Variants in MSN observed in about 807,000 individuals in gnomAD.
MSN encodes the protein epididymis luminal protein 70.
MSN carries 2 observed loss-of-function variants against 48.0 expected under a neutral mutation model. That is an observed-to-expected ratio of 0.04 (90% CI 0.02 to 0.13). The LOEUF (loss-of-function observed/expected upper bound fraction) is 0.13, where lower values mean the gene tolerates loss of function less well. MSN is among the 10% of genes least tolerant of loss of function. MSN has a pLI of 1.00. For missense variants in MSN, 267 were observed against 470.1 expected (o/e 0.57, Z 3.99); for synonymous variants, 146 against 166.9 (o/e 0.87, Z 0.97).
At chrX:65,680,163 T>C (rs1229845272) in intron 1 of MSN, among the ~76,000 whole-genome samples, 1 of 112,132 alleles carries the variant, frequency 8.9e-6, no homozygotes, top group African/African-American at 3.2e-5. Context: ...AGTGGTTCTT[T>C]TTTTATATTT....
chrX:65,697,393 T>G (rs1203397887), intron 1 of MSN, among the ~76,000 whole-genome samples: 2 of 111,412 alleles, frequency 1.8e-5, no homozygotes, highest in Non-Finnish European at 3.8e-5. Flanking sequence ...TCAGCCACAT[T>G]CTTTGCTATA....
chrX:65,675,920 G>A (rs1019629730), intron 1 of MSN, among the ~76,000 whole-genome samples: 11 of 112,535 alleles, frequency 9.8e-5, no homozygotes, highest in African/African-American at 3.6e-4. Flanking sequence ...TTACAGGTGT[G>A]AGCCACCACG....
At chrX:65,618,193 G>T (rs1475356397) in intron 1 of MSN, among the ~76,000 whole-genome samples, 1 of 111,729 alleles carries the variant, frequency 9.0e-6, no homozygotes, top group Non-Finnish European at 1.9e-5. Flanking sequence ...GTTGATTTGG[G>T]GTGGAGAGTT....
intron 1 of MSN, among the ~76,000 whole-genome samples, chrX:65,696,915 C>T (rs1404966506): frequency 9.0e-6 from 1 of 110,570 alleles, no homozygotes; most frequent in African/African-American, 3.3e-5. Flanking sequence ...TCTTCCAAAA[C>T]AATCATAGAT....
rs746191407 is a variant in MSN at position 65,605,610 on chromosome X, A to AT, written c.-22+17004dup. Among the ~76,000 whole-genome samples, 4 of 111,563 alleles carry AT rather than the reference A, an allele frequency of 3.6e-5. No homozygotes were observed. In the South Asian group the frequency reaches 1.1e-3, roughly 31 times the overall value. On this transcript the variant is annotated intron_variant, in intron 1 of 3. Coordinates refer to the MSN transcript ENST00000609672. ...CCATCACATGAGGACCACAAGCCAA[A>AT]TTTTTTGCTATAGCCCAAAAGAGCC...
intron 1 of MSN, among the ~76,000 whole-genome samples, chrX:65,715,414 G>A (rs1287497290): frequency 9.0e-6 from 1 of 111,622 alleles, no homozygotes; most frequent in Middle Eastern, 4.2e-3. Context: ...AATTGCTTTG[G>A]GCAGTATCAC....
chrX:65,639,357 C>T (rs755625463), intron 1 of MSN, among the ~76,000 whole-genome samples: 1 of 111,851 alleles, frequency 8.9e-6, no homozygotes, highest in African/African-American at 3.2e-5. Flanking sequence ...GTTGCCCAGG[C>T]TGGTCTCGAA....
intron 2 of MSN, 60 bp downstream of exon 2, chrX:65,716,961 A>G (rs984236084): frequency 9.0e-6 from 9 of 997,290 alleles, no homozygotes; most frequent in Non-Finnish European, 1.3e-5. Flanking sequence ...CACAATGCCA[A>G]CAATCCATGA....
At chrX:65,607,855 A>G (rs2070290379) in intron 1 of MSN, among the ~76,000 whole-genome samples, 1 of 111,867 alleles carries the variant, frequency 8.9e-6, no homozygotes, top group South Asian at 3.7e-4. Flanking sequence ...GGGCGTGGTG[A>G]CACATGCTTG....
At chrX:65,724,206 G>A (rs1200866861) in intron 2 of MSN, among the ~76,000 whole-genome samples, 13 of 107,411 alleles carry the variant, frequency 1.2e-4, no homozygotes, top group African/African-American at 4.1e-4. Flanking sequence ...GTGCAATGGC[G>A]CGATCTCGGC....
upstream of MSN, among the ~76,000 whole-genome samples, chrX:65,662,706 C>T (rs752295621): frequency 2.0e-4 from 22 of 112,323 alleles, no homozygotes; most frequent in Non-Finnish European, 3.6e-4. Flanking sequence ...CTAGGAAACA[C>T]ACTTCTTGAC....
chrX:65,597,468 T>A (rs1278576902), intron 1 of MSN, among the ~76,000 whole-genome samples: 1 of 110,967 alleles, frequency 9.0e-6, no homozygotes, highest in Non-Finnish European at 1.9e-5. Context: ...CACCTCGCCC[T>A]CCCTAGTAGC....
intron 1 of MSN, among the ~76,000 whole-genome samples, chrX:65,661,048 CT>C (rs1313337019): frequency 9.0e-6 from 1 of 111,662 alleles, no homozygotes; most frequent in East Asian, 2.8e-4. Flanking sequence ...ATTGCAACCT[CT>C]GCCTCCCAAG....
In MSN at chrX:65,735,263, C is replaced by T; in HGVS notation, c.796-4C>T. 1 of 1,208,798 alleles carries T rather than the reference C, an allele frequency of 8.3e-7. No individual in the cohort carries two copies. The highest frequency in any genetic ancestry group is 1.1e-6 in the Non-Finnish European group (1 of 894,036). ...ATTCTTTCTGATTGCTGATTTCCCA[C>T]CAGGACTTCGTCTTCTATGCTCCCC... On this transcript the variant is annotated splice_region_variant and splice_polypyrimidine_tract_variant and intron_variant, in intron 7 of 12. Transcript: ENST00000360270.
At chrX:65,672,571 A>G (rs2070952896) in intron 1 of MSN, among the ~76,000 whole-genome samples, 1 of 112,018 alleles carries the variant, frequency 8.9e-6, no homozygotes, top group South Asian at 3.7e-4. Flanking sequence ...GGATTAGCTC[A>G]GGATTCCATG....
chrX:65,712,714 A>G (rs1033705356), intron 1 of MSN, among the ~76,000 whole-genome samples: 9 of 111,243 alleles, frequency 8.1e-5, no homozygotes, highest in African/African-American at 2.9e-4. Context: ...CATTTCCTCA[A>G]TATTACTAAA....
chrX:65,735,519 C>T, intron 8 of MSN, 89 bp downstream of exon 8: 1 of 966,398 alleles, frequency 1.0e-6, no homozygotes, highest in East Asian at 3.4e-5. Context: ...GACATGAGGC[C>T]AACCTAGGAC....
upstream of MSN, among the ~76,000 whole-genome samples, chrX:65,664,753 T>C: frequency 1.1e-5 from 1 of 91,750 alleles, no homozygotes; most frequent in African/African-American, 4.1e-5. Context: ...GCCCCCTTTC[T>C]TTTTTTTTTT....
upstream of MSN, among the ~76,000 whole-genome samples, chrX:65,666,580 A>G (rs2070872920): frequency 1.8e-5 from 2 of 110,500 alleles, no homozygotes; most frequent in African/African-American, 3.3e-5. Context: ...CAGCCTCCCA[A>G]AGTGCTGGGA....
Sources: gnomAD v4.1 joint callset for allele counts (sites outside exome capture counted in the v4.1 genomes callset) on GRCh38, gnomAD v4.1.1 for gene constraint, MANE v1.5 for transcripts, NCBI Gene and HGNC (gene_info 2026-07-23, HGNC 2026-07-21) for gene names.